Variants in IMMP2L observed in about 807,000 individuals in gnomAD.
IMMP2L encodes the protein mitochondrial inner membrane protease subunit 2.
IMMP2L carries 18 observed loss-of-function variants against 19.3 expected under a neutral mutation model. The observed-to-expected ratio is 0.93, with a 90% confidence interval of 0.64 to 1.38. The LOEUF is 1.38. Ranked by LOEUF, IMMP2L falls within the 40% of genes most tolerant of loss-of-function variation. The pLI is 0.00. For synonymous variants in IMMP2L, 76 were observed against 73.0 expected (o/e 1.04, Z -0.21); for missense variants, 233 against 218.2 (o/e 1.07, Z -0.43).
chr7:111,475,947 A>T (rs1237809580), intron 3 of IMMP2L, among the ~76,000 whole-genome samples: 1 of 152,172 alleles, frequency 6.6e-6, no homozygotes, highest in African/African-American at 2.4e-5. Flanking sequence ...TTCTTTAAAA[A>T]ATTTCAAGTC....
At chr7:110,724,356 G>T (rs1795760120) in intron 5 of IMMP2L, 1 of 152,122 alleles carries the variant, frequency 6.6e-6, no homozygotes, top group South Asian at 2.1e-4. Context: ...CTTAGATGGG[G>T]CAAAAGTAAT....
In IMMP2L at chr7:111,521,249, C is replaced by G. The variant is rs1585490287; in HGVS notation, c.135+64G>C. 21 of 1,487,678 alleles carry G rather than the reference C, an allele frequency of 1.4e-5. No homozygotes were observed. In the East Asian group the frequency reaches 4.8e-4, roughly 34 times the overall value. 92.2% of individuals were successfully genotyped at this position (1,487,678 alleles called of 1,614,324 possible). On this transcript the variant is annotated intron_variant, in intron 2 of 5. Transcript: ENST00000405709. The stretch of plus-strand genomic sequence containing the variant: ...GAATAGGAATAATAATTAGCACTCT[C>G]ATTTCTAGTGCTTGAAAAACAATGA...
At chr7:111,055,592 C>G (rs933803764) in intron 3 of IMMP2L, among the ~76,000 whole-genome samples, 1 of 152,230 alleles carries the variant, frequency 6.6e-6, no homozygotes, top group Non-Finnish European at 1.5e-5. Context: ...TGACCCCTGT[C>G]TGTTGTCAAA....
chr7:111,046,688 T>G (rs1792428568), intron 3 of IMMP2L, among the ~76,000 whole-genome samples: 1 of 152,180 alleles, frequency 6.6e-6, no homozygotes. Context: ...AAGATGAATA[T>G]CATTCAAGGT....
intron 3 of IMMP2L, among the ~76,000 whole-genome samples, chr7:111,471,581 T>A (rs1841274355): frequency 1.3e-5 from 2 of 152,146 alleles, no homozygotes; most frequent in African/African-American, 4.8e-5. Context: ...ATTAATATTT[T>A]AATATTAATT....
At chr7:111,474,589 C>T (rs1463547646) in intron 3 of IMMP2L, among the ~76,000 whole-genome samples, 1 of 151,870 alleles carries the variant, frequency 6.6e-6, no homozygotes, top group Non-Finnish European at 1.5e-5. Context: ...GAAATTCACC[C>T]AAGCAGTTTA....
chr7:110,668,586 A>G (rs1466297211), intron 5 of IMMP2L, among the ~76,000 whole-genome samples: 1 of 152,038 alleles, frequency 6.6e-6, no homozygotes, highest in African/African-American at 2.4e-5. Flanking sequence ...TAGTGATTCA[A>G]TTTTTTTTAA....
intron 5 of IMMP2L, among the ~76,000 whole-genome samples, chr7:110,788,260 T>C (rs989758903): frequency 3.9e-5 from 6 of 152,070 alleles, no homozygotes; most frequent in African/African-American, 1.2e-4. Flanking sequence ...CTAAGCTGGG[T>C]TTGAGCTTCA....
chr7:110,834,378 T>TGTC (rs1804242459), intron 5 of IMMP2L, among the ~76,000 whole-genome samples: 1 of 106,204 alleles, frequency 9.4e-6, no homozygotes, highest in Non-Finnish European at 2.2e-5. Context: ...GTGTGTGTGT[T>TGTC]ATATGCAACT....
At chr7:111,102,880 T>C (rs530386916) in intron 3 of IMMP2L, among the ~76,000 whole-genome samples, 45 of 151,646 alleles carry the variant, frequency 3.0e-4, no homozygotes, top group African/African-American at 9.9e-4. Context: ...AATCTCATTG[T>C]AAACTTATTT....
chr7:111,145,836 T>A (rs190761846), intron 3 of IMMP2L, among the ~76,000 whole-genome samples: 1 of 152,000 alleles, frequency 6.6e-6, no homozygotes, highest in Non-Finnish European at 1.5e-5. Flanking sequence ...AATAAACAAA[T>A]AAAAACACTA....
chr7:110,735,923 C>A (rs1796608783), intron 5 of IMMP2L, among the ~76,000 whole-genome samples: 1 of 150,418 alleles, frequency 6.6e-6, no homozygotes, highest in Non-Finnish European at 1.5e-5. Context: ...GGCTGCCACT[C>A]TCATCATAGG....
chr7:110,729,105 G>A (rs1335611283), intron 5 of IMMP2L, among the ~76,000 whole-genome samples: 3 of 151,964 alleles, frequency 2.0e-5, no homozygotes, highest in East Asian at 1.9e-4. Flanking sequence ...GGCTTGTCTC[G>A]AACTCCTGAC....
At chr7:111,555,602 T>C (rs1367752815) in intron 1 of IMMP2L, among the ~76,000 whole-genome samples, 2 of 152,154 alleles carry the variant, frequency 1.3e-5, no homozygotes, top group Admixed American at 1.3e-4. Flanking sequence ...GATTTCACTA[T>C]GTATTTGACT....
chr7:110,898,870 T>A (rs1811584250), intron 4 of IMMP2L, among the ~76,000 whole-genome samples: 1 of 152,004 alleles, frequency 6.6e-6, no homozygotes, highest in South Asian at 2.1e-4. Context: ...CAATAAAGTT[T>A]GTTATCCTCT....
At chr7:111,374,716 A>G (rs1830532600) in intron 3 of IMMP2L, among the ~76,000 whole-genome samples, 1 of 152,142 alleles carries the variant, frequency 6.6e-6, no homozygotes, top group South Asian at 2.1e-4. Context: ...GGGCCTGACC[A>G]CATAAGTCTG....
intron 3 of IMMP2L, among the ~76,000 whole-genome samples, chr7:111,424,447 G>C (rs1835883281): frequency 6.6e-6 from 1 of 151,710 alleles, no homozygotes; most frequent in Admixed American, 6.6e-5. Context: ...AGACTGCGAG[G>C]GCCAGTGTCC....
At chr7:110,827,039 G>T (rs911595143) in intron 5 of IMMP2L, among the ~76,000 whole-genome samples, 2 of 152,034 alleles carry the variant, frequency 1.3e-5, no homozygotes, top group Non-Finnish European at 2.9e-5. Context: ...TCCCACCATT[G>T]CTTTTGTACC....
At chr7:111,503,670 A>C (rs980468592) in intron 2 of IMMP2L, among the ~76,000 whole-genome samples, 1 of 152,042 alleles carries the variant, frequency 6.6e-6, no homozygotes, top group African/African-American at 2.4e-5. Context: ...TTCAACATAC[A>C]CAAATCAATA....
Sources: gnomAD v4.1 joint callset for allele counts (sites outside exome capture counted in the v4.1 genomes callset) on GRCh38, gnomAD v4.1.1 for gene constraint, MANE v1.5 for transcripts, NCBI Gene and HGNC (gene_info 2026-07-23, HGNC 2026-07-21) for gene names.